ABCA8: variants seen among roughly 807,000 people sequenced by gnomAD.
ABCA8 encodes the protein ATP binding cassette subfamily A member 8, also known as ABC-type organic anion transporter ABCA8.
Under a neutral mutation model 192.3 loss-of-function variants are expected in ABCA8, and 177 were observed. The observed-to-expected ratio is 0.92, with a 90% confidence interval of 0.81 to 1.04. The LOEUF (loss-of-function observed/expected upper bound fraction) is 1.04, where lower values mean the gene tolerates loss of function less well. Among genes scored for constraint, ABCA8 ranks in the 50% least tolerant of loss-of-function variants. The pLI is 0.00. For missense variants in ABCA8, 1,915 were observed against 1,904.8 expected, an observed-to-expected ratio of 1.01 and a Z score of -0.10; for synonymous variants, 642 against 690.2, an observed-to-expected ratio of 0.93 and a Z score of 1.09.
intron 13 of ABCA8, chr17:68,919,720 C>A (rs2067484604): frequency 3.3e-6 from 1 of 302,120 alleles, no homozygotes; most frequent in Non-Finnish European, 6.1e-6. Context: ...AGTATCCTAG[C>A]AAATGTGATA....
intron 32 of ABCA8, among the ~76,000 whole-genome samples, chr17:68,880,551 A>C (rs547728321): frequency 1.2e-4 from 18 of 152,232 alleles, no homozygotes; most frequent in African/African-American, 4.3e-4. Flanking sequence ...CAGGGCTGTG[A>C]CATCCTTTTT....
intron 2 of ABCA8, among the ~76,000 whole-genome samples, chr17:68,942,720 G>A (rs915554450): frequency 2.0e-5 from 3 of 152,058 alleles, no homozygotes; most frequent in Admixed American, 6.6e-5. Flanking sequence ...TTATCCAATT[G>A]TCAATACCTT....
intron 24 of ABCA8, among the ~76,000 whole-genome samples, chr17:68,890,983 G>A (rs1226156735): frequency 6.6e-6 from 1 of 152,094 alleles, no homozygotes; most frequent in African/African-American, 2.4e-5. Context: ...TGCATGTGAC[G>A]GATGTTAAGA....
chr17:68,880,947 G>A, intron 32 of ABCA8, 173 bp downstream of exon 32: 1 of 621,836 alleles, frequency 1.6e-6, no homozygotes. Context: ...CAACCTTTCA[G>A]TGCTTAGCTT....
intron 17 of ABCA8, among the ~76,000 whole-genome samples, chr17:68,916,545 G>T (rs1291002132): frequency 1.3e-5 from 2 of 152,100 alleles, no homozygotes; most frequent in Non-Finnish European, 2.9e-5. Flanking sequence ...TTAAAAGATA[G>T]AAGGTTTAAG....
At chr17:68,924,995 A>G (rs1395463073) in intron 10 of ABCA8, 126 bp from the exon 11 acceptor site, 2 of 914,960 alleles carry the variant, frequency 2.2e-6, no homozygotes, top group Non-Finnish European at 3.2e-6. Flanking sequence ...ACAGCAGGTA[A>G]TGCACGTTTT....
Position 68,876,485 on chromosome 17 carries a change from C to T in ABCA8, c.4345G>A (p.Asp1449Asn), listed in dbSNP as rs1225117320. 1 of 1,614,010 alleles carries T rather than the reference C, an allele frequency of 6.2e-7. No individual in the cohort carries two copies. ...CACATTTGCTGCTGCCCCTCGGGGT[C>T]CATCCCGGTCGACGGCTCATCCAGA... Reference protein sequence around the residue: ...VLLDEPSTGMDPEGQQQMWQA... With the variant: ...VLLDEPSTGMNPEGQQQMWQA... Residue 1449 changes from aspartate to asparagine, a missense_variant, in exon 35 of 40, where the codon GAC becomes AAC. Physicochemically the swap from Asp to Asn is conservative, Grantham distance 23 (BLOSUM62 1). Transcript: ENST00000586539.
rs146479239 is a variant in ABCA8 at position 68,909,585 on chromosome 17, T to C, written c.2139-1706A>G. ...AGGCAGTCTCTTATTTATTTTTCTA[T>C]AACCTTTACTTGTAAGTAGGAATTG... On this transcript the variant is annotated intron_variant, in intron 17 of 39. Transcript: ENST00000586539. 2.6e-4 allele frequency among the ~76,000 whole-genome samples: 39 copies of C among 152,302 alleles called. No individual in the cohort carries two copies. The East Asian group carries it at 7.5e-3, about 29-fold the overall frequency.
chr17:68,919,926 C>T (rs2067488925), intron 13 of ABCA8: 1 of 153,220 alleles, frequency 6.5e-6, no homozygotes, highest in Non-Finnish European at 1.5e-5. Context: ...GCCCCTGTCA[C>T]TTTGGTCCAG....
At position 68,902,823 on chromosome 17, in the gene ABCA8, T is replaced by C; in HGVS notation, c.2654A>G (p.Lys885Arg). The C allele has an allele frequency of 5.0e-6, 8 of 1,613,952 alleles. No homozygotes were observed. Among genetic ancestry groups the C allele is most frequent in the Non-Finnish European group, 6.8e-6 (8 of 1,179,908 alleles). The change falls in exon 21 of 40, where the codon AAA becomes AGA. Residue 885 changes from lysine to arginine, a missense_variant. By Grantham distance (26) the Lys-to-Arg change is conservative (BLOSUM62 2). Transcript: ENST00000586539. ...CPLLVEYTMV[K>R]IYQNSYTWEL... The stretch of plus-strand genomic sequence containing the variant: ...CCAGGTGTAACTGTTTTGATATATT[T>C]TCACCATGGTATACTCCACAAGAAG...
intron 18 of ABCA8, among the ~76,000 whole-genome samples, chr17:68,907,346 G>A (rs892129885): frequency 5.3e-5 from 8 of 151,932 alleles, no homozygotes; most frequent in Non-Finnish European, 1.2e-4. Context: ...AAACTTTTAT[G>A]CGTTAGCCTG....
At chr17:68,903,583 A>C (rs1195512544) in intron 19 of ABCA8, 84 bp from the exon 20 acceptor site, 24 of 1,302,644 alleles carry the variant, frequency 1.8e-5, no homozygotes, top group Non-Finnish European at 2.6e-5. Context: ...TCATGATTAG[A>C]CTCTTCCGCG....
intron 8 of ABCA8, 132 bp from the exon 9 acceptor site, chr17:68,929,366 T>G: frequency 9.5e-7 from 1 of 1,047,630 alleles, no homozygotes; most frequent in Non-Finnish European, 1.4e-6. Flanking sequence ...GTATATAACA[T>G]ACAAAACTAT....
At chr17:68,868,721 A>T (rs1040901472) in intron 38 of ABCA8, among the ~76,000 whole-genome samples, 1 of 152,150 alleles carries the variant, frequency 6.6e-6, no homozygotes, top group Non-Finnish European at 1.5e-5. Flanking sequence ...ATGGAGAAGG[A>T]TTTGTGAGCC....
At chr17:68,915,246 A>C (rs1473717756) in intron 17 of ABCA8, among the ~76,000 whole-genome samples, 2 of 152,106 alleles carry the variant, frequency 1.3e-5, no homozygotes, top group African/African-American at 4.8e-5. Flanking sequence ...TCTACCCCAC[A>C]AGCAGAGGTG....
intron 18 of ABCA8, among the ~76,000 whole-genome samples, chr17:68,907,402 C>T (rs553993631): frequency 6.6e-6 from 1 of 152,104 alleles, no homozygotes; most frequent in East Asian, 1.9e-4. Flanking sequence ...CAGATAGCCA[C>T]ATCACAGGGC....
chr17:68,922,227 T>TACA lies in ABCA8; in HGVS notation c.1501+14_1501+15insTGT. On this transcript the variant is annotated intron_variant, in intron 12 of 39. Transcript: ENST00000586539. The stretch of plus-strand genomic sequence containing the variant: ...TTTTTTTTTTTTTTTTTTTTTTTTT[T>TACA]TTTTTTTTTTTTACCTTTCAAGGCT... The TACA allele has an allele frequency of 2.3e-6, 1 of 437,518 alleles. No individual in the cohort carries two copies. Among genetic ancestry groups the TACA allele is most frequent in the Non-Finnish European group, 3.2e-6 (1 of 309,186 alleles). The allele number at this position is 437,518 out of a possible 1,614,324, so 27.1% of individuals were successfully genotyped here. A position where few individuals can be genotyped will look rare whatever the true frequency, so the allele number is the denominator to read the frequency against.
chr17:68,869,909 T>G, intron 37 of ABCA8, 130 bp from the exon 38 acceptor site: 2 of 633,708 alleles, frequency 3.2e-6, no homozygotes, highest in Admixed American at 5.3e-5. Context: ...AGATCTACCC[T>G]GTTAACAAAT....
At chr17:68,933,885 A>G (rs1469858266) in intron 5 of ABCA8, among the ~76,000 whole-genome samples, 3 of 152,194 alleles carry the variant, frequency 2.0e-5, no homozygotes, top group Non-Finnish European at 4.4e-5. Context: ...ACATGAAATC[A>G]TCTTGAAATA....
Sources: allele counts gnomAD v4.1 joint callset (sites outside exome capture counted in the v4.1 genomes callset), GRCh38; gene constraint gnomAD v4.1.1; transcripts MANE v1.5; gene names NCBI Gene and HGNC (gene_info 2026-07-23, HGNC 2026-07-21).